Variants in MARCHF1 observed in about 807,000 individuals in gnomAD.
MARCHF1 encodes the protein membrane associated ring-CH-type finger 1, also known as E3 ubiquitin-protein ligase MARCHF1.
MARCHF1 carries 40 observed loss-of-function variants against 54.2 expected under a neutral mutation model. The observed-to-expected ratio is 0.74, with a 90% CI of 0.57 to 0.96. The LOEUF (loss-of-function observed/expected upper bound fraction) is 0.96. MARCHF1 is among the 40% of genes least tolerant of loss of function. The pLI is 0.00. For missense variants in MARCHF1, 586 were observed against 656.5 expected (o/e 0.89, Z 1.17); for synonymous variants, 236 against 236.3 (o/e 1.00, Z 0.01).
intron 8 of MARCHF1, among the ~76,000 whole-genome samples, chr4:163,576,658 C>T (rs1428560058): frequency 6.6e-6 from 1 of 152,060 alleles, no homozygotes; most frequent in Admixed American, 6.6e-5. Context: ...GACATAGGCA[C>T]ACACTATTAT....
chr4:163,629,065 T>C lies in MARCHF1; in HGVS notation c.163-15672A>G, dbSNP rs146691634. On this transcript the variant is annotated intron_variant, in intron 5 of 9. Coordinates refer to ENST00000514618, the MANE Select transcript of MARCHF1 (RefSeq NM_001394959.1). The stretch of plus-strand genomic sequence containing the variant: ...GAAAAAAACTACTTTAAATTTCATA[T>C]GGAACCAAAAAAGAACCCATATAGA... 6.8e-3 allele frequency among the ~76,000 whole-genome samples: 1,043 copies of C among 152,318 alleles called. 7 individuals carry two copies. The highest frequency in any genetic ancestry group is 0.012 in the Non-Finnish European group (787 of 68,028).
intron 7 of MARCHF1, among the ~76,000 whole-genome samples, chr4:163,611,457 T>C (rs1454292206): frequency 6.6e-6 from 1 of 152,136 alleles, no homozygotes; most frequent in Non-Finnish European, 1.5e-5. Context: ...TATTGCGCAG[T>C]GAAAATCTTC....
At chr4:164,282,948 A>T (rs1020072209) in intron 1 of MARCHF1, among the ~76,000 whole-genome samples, 1 of 151,330 alleles carries the variant, frequency 6.6e-6, no homozygotes, top group African/African-American at 2.4e-5. Context: ...CTTGCATTAT[A>T]TACCTGCCTC....
intron 1 of MARCHF1, among the ~76,000 whole-genome samples, chr4:164,251,009 T>G (rs1214074593): frequency 6.6e-6 from 1 of 152,186 alleles, no homozygotes; most frequent in African/African-American, 2.4e-5. Flanking sequence ...CTTCCTGACA[T>G]TTAATAGATC....
chr4:164,207,217 A>T (rs1005709510), intron 1 of MARCHF1, among the ~76,000 whole-genome samples: 7 of 152,200 alleles, frequency 4.6e-5, no homozygotes, highest in African/African-American at 1.7e-4. Context: ...TAAAAACATT[A>T]TTTCCTAATA....
At chr4:164,297,232 G>A (rs1221570312) in intron 1 of MARCHF1, among the ~76,000 whole-genome samples, 3 of 152,102 alleles carry the variant, frequency 2.0e-5, no homozygotes, top group East Asian at 1.9e-4. Flanking sequence ...ATGGAGCCTC[G>A]AATGGTCAGC....
chr4:164,375,735 AG>A (rs1731171724), intron 1 of MARCHF1, among the ~76,000 whole-genome samples: 1 of 152,218 alleles, frequency 6.6e-6, no homozygotes, highest in African/African-American at 2.4e-5. Context: ...ATTTTGTGAC[AG>A]TCCCTTATGT....
intron 2 of MARCHF1, among the ~76,000 whole-genome samples, chr4:164,100,571 T>A (rs534977848): frequency 1.3e-4 from 20 of 152,374 alleles, no homozygotes; most frequent in African/African-American, 4.6e-4. Flanking sequence ...ATGAAATGTC[T>A]TTGTTTTCAA....
intron 2 of MARCHF1, among the ~76,000 whole-genome samples, chr4:164,107,431 T>C (rs1560907832): frequency 6.6e-6 from 1 of 152,110 alleles, no homozygotes; most frequent in Admixed American, 6.6e-5. Context: ...TGTAATCCTG[T>C]CTCACTGCAA....
chr4:164,320,266 A>G (rs1735106844), intron 1 of MARCHF1, among the ~76,000 whole-genome samples: 1 of 152,208 alleles, frequency 6.6e-6, no homozygotes, highest in African/African-American at 2.4e-5. Context: ...GAATTCATTC[A>G]TTAGGGAATT....
intron 4 of MARCHF1, chr4:163,828,741 C>T (rs952639409): frequency 5.3e-5 from 8 of 152,082 alleles, no homozygotes; most frequent in Non-Finnish European, 1.0e-4. Flanking sequence ...CTTCGTCAAC[C>T]CTGAACATTG....
chr4:164,292,561 T>C (rs374778071), intron 1 of MARCHF1, among the ~76,000 whole-genome samples: 21 of 152,298 alleles, frequency 1.4e-4, no homozygotes, highest in East Asian at 5.8e-4. Context: ...AGAACTACCA[T>C]AGTGTTGCAG....
At chr4:163,928,147 T>C (rs1157994638) in intron 3 of MARCHF1, among the ~76,000 whole-genome samples, 1 of 151,896 alleles carries the variant, frequency 6.6e-6, no homozygotes, top group Non-Finnish European at 1.5e-5. Flanking sequence ...GTAGAAAAAA[T>C]GGAAAGAAAG....
At chr4:164,228,364 C>G (rs78345235) in intron 1 of MARCHF1, among the ~76,000 whole-genome samples, 1 of 152,074 alleles carries the variant, frequency 6.6e-6, no homozygotes, top group African/African-American at 2.4e-5. Context: ...CATGAGTTGA[C>G]CTAATTGAAT....
At chr4:164,268,334 T>C (rs1733662071) in intron 1 of MARCHF1, among the ~76,000 whole-genome samples, 1 of 152,114 alleles carries the variant, frequency 6.6e-6, no homozygotes, top group Non-Finnish European at 1.5e-5. Context: ...GTTCCAGGTT[T>C]GGGTTTGCCT....
At chr4:163,761,790 TCC>T (rs1268101425) in intron 4 of MARCHF1, among the ~76,000 whole-genome samples, 1 of 114,730 alleles carries the variant, frequency 8.7e-6, no homozygotes, top group Admixed American at 9.3e-5. Flanking sequence ...CCAGTAACTC[TCC>T]ACCACCAAAT....
intron 4 of MARCHF1, among the ~76,000 whole-genome samples, chr4:163,728,437 T>C (rs1745731989): frequency 6.6e-6 from 1 of 152,226 alleles, no homozygotes; most frequent in East Asian, 1.9e-4. Context: ...ATAATGAACA[T>C]GGAATATCTC....
At chr4:163,963,557 G>A (rs1383401525) in intron 3 of MARCHF1, among the ~76,000 whole-genome samples, 1 of 151,872 alleles carries the variant, frequency 6.6e-6, no homozygotes, top group Non-Finnish European at 1.5e-5. Context: ...TCACTGATGT[G>A]TAATAGCTAG....
At chr4:163,904,449 T>C (rs907373309) in intron 3 of MARCHF1, among the ~76,000 whole-genome samples, 1 of 152,118 alleles carries the variant, frequency 6.6e-6, no homozygotes, top group African/African-American at 2.4e-5. Context: ...AGGTGCTGAG[T>C]GTTAAAAGAA....
Sources: allele counts gnomAD v4.1 joint callset (sites outside exome capture counted in the v4.1 genomes callset), GRCh38; gene constraint gnomAD v4.1.1; transcripts MANE v1.5; gene names NCBI Gene and HGNC (gene_info 2026-07-23, HGNC 2026-07-21).